The following CDH13 variants were observed in gnomAD, a reference collection of about 807,000 sequenced individuals.
CDH13 encodes the protein cadherin 13.
CDH13 carries 24 observed loss-of-function variants against 63.8 expected under a neutral mutation model. The observed-to-expected ratio is 0.38, with a 90% confidence interval of 0.27 to 0.53. The LOEUF (loss-of-function observed/expected upper bound fraction) is 0.53. Among genes scored for constraint, CDH13 ranks in the 20% least tolerant of loss-of-function variants. CDH13 has a pLI of 0.85. For missense variants in CDH13, 1,049 were observed against 903.1 expected (o/e 1.16, Z -2.07); for synonymous variants, 503 against 355.3 (o/e 1.42, Z -4.67).
At chr16:83,076,081 C>G (rs1255661522) in intron 3 of CDH13, among the ~76,000 whole-genome samples, 1 of 152,074 alleles carries the variant, frequency 6.6e-6, no homozygotes, top group Admixed American at 6.6e-5. Context: ...TTCCAGACAT[C>G]CTGCCTGATG....
At chr16:83,228,312 T>G (rs2039902196) in intron 5 of CDH13, among the ~76,000 whole-genome samples, 1 of 152,216 alleles carries the variant, frequency 6.6e-6, no homozygotes, top group Admixed American at 6.5e-5. Context: ...CGCAGGGCCG[T>G]GCTCTGCAGG....
intron 4 of CDH13, among the ~76,000 whole-genome samples, chr16:83,216,000 T>C (rs2039494223): frequency 6.7e-6 from 1 of 148,990 alleles, no homozygotes; most frequent in Non-Finnish European, 1.5e-5. Context: ...CCCCATACTT[T>C]GACCCCAACT....
At chr16:83,779,648 C>A (rs1339700242) in intron 11 of CDH13, among the ~76,000 whole-genome samples, 1 of 151,882 alleles carries the variant, frequency 6.6e-6, no homozygotes, top group Non-Finnish European at 1.5e-5. Context: ...CATAGTGAGA[C>A]ACCGTCTCTA....
intron 1 of CDH13, among the ~76,000 whole-genome samples, chr16:82,730,717 T>A (rs951759060): frequency 4.6e-5 from 7 of 152,216 alleles, no homozygotes; most frequent in African/African-American, 1.7e-4. Context: ...TTGTAAAATA[T>A]GCAGTATCTG....
rs76942129 is a variant in CDH13 at position 83,174,268 on chromosome 16, C to G, written c.484-43077C>G. ...TCTATCATCAATCTCACTTTACAAT[C>G]CATCCCTTCCAATTAATGCTGCATA... On this transcript the variant is annotated intron_variant, in intron 4 of 13. Coordinates refer to ENST00000567109, the MANE Select transcript of CDH13 (RefSeq NM_001257.5). Among the ~76,000 whole-genome samples the G allele has an allele frequency of 8.2e-3, 1,243 of 152,194 alleles. 16 individuals are homozygous for G. The highest frequency in any genetic ancestry group is 0.028 in the African/African-American group (1,183 of 41,538).
intron 12 of CDH13, among the ~76,000 whole-genome samples, chr16:83,781,972 A>C (rs247395): frequency 0.82 from 124,557 of 151,888 alleles, 51,123 homozygotes; most frequent in Admixed American, 0.85. Flanking sequence ...ATCCTCTACT[A>C]AAGGAAGATG....
At chr16:82,675,923 G>A (rs1913845758) in intron 1 of CDH13, among the ~76,000 whole-genome samples, 1 of 152,204 alleles carries the variant, frequency 6.6e-6, no homozygotes, top group Admixed American at 6.5e-5. Flanking sequence ...CAGAGCAGCT[G>A]TAAGCAGCAA....
intron 2 of CDH13, among the ~76,000 whole-genome samples, chr16:82,899,212 G>C (rs1167721639): frequency 6.6e-6 from 1 of 152,208 alleles, no homozygotes; most frequent in African/African-American, 2.4e-5. Context: ...GTGATGTCAG[G>C]TGGGTATTTC....
At chr16:83,412,728 G>C (rs948543296) in intron 6 of CDH13, among the ~76,000 whole-genome samples, 2 of 152,134 alleles carry the variant, frequency 1.3e-5, no homozygotes, top group African/African-American at 4.8e-5. Flanking sequence ...TTCCTAATAC[G>C]GTGAAGTCAT....
intron 5 of CDH13, among the ~76,000 whole-genome samples, chr16:83,260,867 G>A (rs376921478): frequency 6.6e-6 from 1 of 152,082 alleles, no homozygotes; most frequent in Admixed American, 6.6e-5. Flanking sequence ...TATTTGAAAA[G>A]CATGCATAGC....
At chr16:82,872,698 G>T (rs1424446527) in intron 2 of CDH13, among the ~76,000 whole-genome samples, 1 of 152,132 alleles carries the variant, frequency 6.6e-6, no homozygotes, top group Non-Finnish European at 1.5e-5. Context: ...ACAAATGCTT[G>T]CCAGTCAAAA....
chr16:82,900,151 A>T (rs796743417), intron 2 of CDH13, among the ~76,000 whole-genome samples: 1 of 152,190 alleles, frequency 6.6e-6, no homozygotes, highest in Non-Finnish European at 1.5e-5. Context: ...CTCTGCCAAG[A>T]GTGATTCTTG....
At chr16:82,954,324 G>T (rs1049297610) in intron 2 of CDH13, 9 of 152,154 alleles carry the variant, frequency 5.9e-5, no homozygotes, top group Admixed American at 5.9e-4. Context: ...AAGGGAAGGG[G>T]CTGAGCATGT....
intron 10 of CDH13, among the ~76,000 whole-genome samples, chr16:83,701,852 C>T (rs1471200287): frequency 1.3e-5 from 2 of 152,204 alleles, no homozygotes; most frequent in Non-Finnish European, 2.9e-5. Context: ...CAAATAACAG[C>T]TGCCTGGCTA....
chr16:83,464,358 C>A (rs945185814), intron 6 of CDH13, among the ~76,000 whole-genome samples: 1 of 151,052 alleles, frequency 6.6e-6, no homozygotes, highest in Admixed American at 6.6e-5. Flanking sequence ...ACTAAAAATA[C>A]AAAATGAGCC....
intron 2 of CDH13, among the ~76,000 whole-genome samples, chr16:82,905,578 C>G (rs1440958588): frequency 1.3e-5 from 2 of 152,018 alleles, no homozygotes; most frequent in Non-Finnish European, 2.9e-5. Flanking sequence ...ACCACATTTT[C>G]CTTAACCAGT....
At chr16:83,071,288 T>G (rs1049915608) in intron 3 of CDH13, among the ~76,000 whole-genome samples, 79 of 152,296 alleles carry the variant, frequency 5.2e-4, no homozygotes, top group African/African-American at 1.9e-3. Flanking sequence ...TATTATTTAA[T>G]CCTCACATAA....
At chr16:83,607,612 C>T (rs76865045) in intron 8 of CDH13, among the ~76,000 whole-genome samples, 3 of 152,120 alleles carry the variant, frequency 2.0e-5, no homozygotes, top group Admixed American at 6.5e-5. Flanking sequence ...TCACTGCATA[C>T]GATGAACGAA....
At chr16:83,686,428 G>A (rs1197271575) in intron 10 of CDH13, among the ~76,000 whole-genome samples, 2 of 152,138 alleles carry the variant, frequency 1.3e-5, no homozygotes, top group African/African-American at 2.4e-5. Flanking sequence ...AAATGTCAGG[G>A]ACCTGAATAC....
Sources: gnomAD v4.1 joint callset for allele counts (sites outside exome capture counted in the v4.1 genomes callset) on GRCh38, gnomAD v4.1.1 for gene constraint, MANE v1.5 for transcripts, NCBI Gene and HGNC (gene_info 2026-07-23, HGNC 2026-07-21) for gene names.